VPS50: variants seen among roughly 807,000 people sequenced by gnomAD.
VPS50 encodes VPS50 subunit of EARP/GARPII complex.
VPS50 carries 70 observed loss-of-function variants against 139.7 expected under a neutral mutation model. The ratio of observed to expected loss-of-function variants is 0.50; its 90% CI spans 0.41 to 0.61. The LOEUF is 0.61. VPS50 is among the 20% of genes least tolerant of loss of function. The probability of loss-of-function intolerance (pLI) is 0.00; values close to 1 mark genes in which losing one functional copy is unlikely to be tolerated. For missense variants in VPS50, 921 were observed against 1,133.7 expected, an observed-to-expected ratio of 0.81 and a Z score of 2.69; for synonymous variants, 365 against 376.7, an observed-to-expected ratio of 0.97 and a Z score of 0.36.
At chr7:93,306,614 A>G (rs1194395826) in intron 18 of VPS50, among the ~76,000 whole-genome samples, 1 of 151,910 alleles carries the variant, frequency 6.6e-6, no homozygotes, top group Admixed American at 6.6e-5. Context: ...TTGGCAAATT[A>G]TTTTAACTTT....
At chr7:93,324,131 T>C (rs1018903243) in intron 21 of VPS50, among the ~76,000 whole-genome samples, 1 of 152,214 alleles carries the variant, frequency 6.6e-6, no homozygotes, top group African/African-American at 2.4e-5. Context: ...ATAAGAATGC[T>C]TGTGATTTTT....
chr7:93,318,370 T>A (rs915922685), intron 20 of VPS50, among the ~76,000 whole-genome samples: 1 of 152,172 alleles, frequency 6.6e-6, no homozygotes, highest in Admixed American at 6.5e-5. Context: ...TTTACTCTGG[T>A]CTTCACTTCA....
chr7:93,252,636 A>ATT lies in VPS50; in HGVS notation c.103-9_103-8dup. 4 of 1,535,754 alleles carry ATT rather than the reference A, an allele frequency of 2.6e-6. No homozygotes were observed. Among genetic ancestry groups the ATT allele is most frequent in the South Asian group, 2.3e-5 (2 of 85,332 alleles). Reference sequence around the variant, plus strand: ...AACAGCTACAATTACTATAATTGTGATTTTTTTTTCTTAAAGGAAGAATTC... The same window carrying ATT: ...AACAGCTACAATTACTATAATTGTGATTTTTTTTTTTCTTAAAGGAAGAATTC... On this transcript the variant is annotated splice_polypyrimidine_tract_variant and intron_variant, in intron 2 of 27. Transcript: ENST00000305866.
At chr7:93,352,617 A>G (rs1798591251) in intron 25 of VPS50, among the ~76,000 whole-genome samples, 1 of 152,142 alleles carries the variant, frequency 6.6e-6, no homozygotes, top group South Asian at 2.1e-4. Flanking sequence ...TTTGAAATAT[A>G]TTGCCAGGGA....
rs59890424 is a variant in VPS50 at position 93,271,200 on chromosome 7, GT to G, written c.660-6del. On this transcript the variant is annotated intron_variant, in intron 9 of 27. Transcript: ENST00000305866. ...TTTGTCTCAGAAATAGAAAAAAACT[GT>G]TTTTTTTTTTTTTAATAGTGAACTG... 0.075 allele frequency: 92,344 copies of G among 1,225,278 alleles called. 340 individuals are homozygous for G. The highest frequency in any genetic ancestry group is 0.1 in the African/African-American group (6,253 of 60,846). 75.9% of individuals were successfully genotyped at this position (1,225,278 alleles called of 1,614,324 possible). A position where few individuals can be genotyped will look rare whatever the true frequency, so the allele number is the denominator to read the frequency against.
intron 6 of VPS50, chr7:93,257,912 A>G: frequency 3.0e-6 from 1 of 333,188 alleles, no homozygotes; most frequent in Non-Finnish European, 5.4e-6. Context: ...TTAAGCGCTT[A>G]TTCTCAGTTT....
At chr7:93,340,038 T>C (rs1032447954) in intron 22 of VPS50, among the ~76,000 whole-genome samples, 17 of 152,206 alleles carry the variant, frequency 1.1e-4, no homozygotes, top group African/African-American at 4.1e-4. Context: ...ATTAGAAATA[T>C]ATTTGGTTAT....
intron 2 of VPS50, among the ~76,000 whole-genome samples, chr7:93,245,703 C>T (rs989527582): frequency 7.2e-5 from 11 of 151,800 alleles, no homozygotes; most frequent in African/African-American, 2.7e-4. Context: ...GTAACTTCAA[C>T]AGTATTCCAC....
In VPS50 at chr7:93,261,969, G is replaced by T. The variant is rs942971514; in HGVS notation, c.659+2337G>T. On this transcript the variant is annotated intron_variant, in intron 9 of 27. Transcript: ENST00000305866. The stretch of plus-strand genomic sequence containing the variant: ...TAGTTGACCTTTTGGGGACAGATTT[G>T]GTGGGAGTTGGTTGAACTATCAAGT... 2.0e-5 allele frequency among the ~76,000 whole-genome samples: 3 copies of T among 152,180 alleles called. No homozygotes were observed. The East Asian group carries it at 5.8e-4, about 29-fold the overall frequency.
At chr7:93,298,998 C>T (rs1049259412) in intron 16 of VPS50, among the ~76,000 whole-genome samples, 1 of 152,112 alleles carries the variant, frequency 6.6e-6, no homozygotes, top group Admixed American at 6.5e-5. Flanking sequence ...ATAAGTGTTG[C>T]CTAGACATCT....
At chr7:93,353,857 A>G in intron 26 of VPS50, 96 bp downstream of exon 26, 1 of 991,996 alleles carries the variant, frequency 1.0e-6, no homozygotes, top group Admixed American at 2.4e-5. Flanking sequence ...ATAAGTAGAA[A>G]TAATAACAAC....
chr7:93,321,969 C>T (rs1797626399), intron 20 of VPS50, among the ~76,000 whole-genome samples: 1 of 151,990 alleles, frequency 6.6e-6, no homozygotes, highest in Non-Finnish European at 1.5e-5. Flanking sequence ...GCATAATGAT[C>T]CAGAGTGTTT....
At chr7:93,322,682 G>A (rs1376870982) in intron 20 of VPS50, among the ~76,000 whole-genome samples, 1 of 151,792 alleles carries the variant, frequency 6.6e-6, no homozygotes, top group African/African-American at 2.4e-5. Context: ...TGAATTATTG[G>A]CTTATTTGGA....
chr7:93,352,763 T>G lies in VPS50; in HGVS notation c.2464-877T>G, dbSNP rs913229591. 3.9e-5 allele frequency among the ~76,000 whole-genome samples: 6 copies of G among 152,158 alleles called. No individual in the cohort carries two copies. The South Asian group carries it at 8.3e-4, about 21-fold the overall frequency. ...ATTGGAGTTGTCTAAATCAGGTATA[T>G]GTATTTATATTTTTAGTATGATCAT... is the stretch of plus-strand genomic sequence containing the variant. On this transcript the variant is annotated intron_variant, in intron 25 of 27. Transcript: ENST00000305866.
intron 14 of VPS50, among the ~76,000 whole-genome samples, chr7:93,294,985 T>TC (rs1199795948): frequency 6.6e-6 from 1 of 152,178 alleles, no homozygotes; most frequent in Non-Finnish European, 1.5e-5. Context: ...AATTTTTTTT[T>TC]CTGTTAATTT....
rs756696528 is a variant in VPS50, at chr7:93,306,033, G to GT, written c.1629+37dup. On this transcript the variant is annotated intron_variant, in intron 18 of 27. Transcript: ENST00000305866. Reference sequence around the variant, plus strand: ...TGTGGTGTATGTGAAACATAAGTGAGTTTTTTTTATTTAAAACTGTTCTAC... The same window carrying GT: ...TGTGGTGTATGTGAAACATAAGTGAGTTTTTTTTTATTTAAAACTGTTCTAC... 576 of 1,548,914 alleles carry GT rather than the reference G, an allele frequency of 3.7e-4. No homozygotes were observed. The African/African-American group carries it at 6.2e-3, about 17-fold the overall frequency.
rs571786994 is a variant in VPS50, at chr7:93,359,959, G to A, written c.*1523G>A. ...TCTTGTAAAAAGGTATGAGTTTGGT[G>A]CCATTATGATTTGGTTGTGGCTAGA... On this transcript the variant is annotated 3_prime_UTR_variant, in exon 28 of 28. Coordinates refer to ENST00000305866, the MANE Select transcript of VPS50 (RefSeq NM_017667.4). The A allele has an allele frequency of 3.3e-5, 5 of 152,232 alleles. No individual in the cohort carries two copies. Among genetic ancestry groups the A allele is most frequent in the African/African-American group, 7.2e-5 (3 of 41,546 alleles). 9.4% of individuals were successfully genotyped at this position (152,232 alleles called of 1,614,324 possible). A position where few individuals can be genotyped will look rare whatever the true frequency, so the allele number is the denominator to read the frequency against.
intron 13 of VPS50, 124 bp downstream of exon 13, chr7:93,291,959 T>A: frequency 1.7e-6 from 1 of 595,316 alleles, no homozygotes; most frequent in Non-Finnish European, 2.8e-6. Flanking sequence ...GACCATAGGC[T>A]AAATATTGAG....
At chr7:93,356,729 A>G (rs2117099007) in intron 27 of VPS50, among the ~76,000 whole-genome samples, 1 of 152,300 alleles carries the variant, frequency 6.6e-6, no homozygotes, top group South Asian at 2.1e-4. Flanking sequence ...GCTTTTCTGT[A>G]TATGGCATGT....
Sources: gnomAD v4.1 joint callset for allele counts (sites outside exome capture counted in the v4.1 genomes callset) on GRCh38, gnomAD v4.1.1 for gene constraint, MANE v1.5 for transcripts, NCBI Gene and HGNC (gene_info 2026-07-23, HGNC 2026-07-21) for gene names.